PATJ: variants seen among roughly 807,000 people sequenced by gnomAD.
PATJ encodes PATJ crumbs cell polarity complex component.
A neutral mutation model predicts 224.9 loss-of-function variants in PATJ; 190 were observed. The observed-to-expected ratio is 0.84, with a 90% CI of 0.75 to 0.95. PATJ has a LOEUF of 0.95. Among genes scored for constraint, PATJ ranks in the 40% least tolerant of loss-of-function variants. The probability of loss-of-function intolerance (pLI) is 0.00; values close to 1 mark genes in which losing one functional copy is unlikely to be tolerated. For missense variants in PATJ, 2,121 were observed against 2,270.3 expected (o/e 0.93, Z 1.34); for synonymous variants, 769 against 820.3 (o/e 0.94, Z 1.07).
intron 28 of PATJ, among the ~76,000 whole-genome samples, chr1:61,996,355 C>A (rs1469545727): frequency 1.3e-5 from 2 of 152,188 alleles, no homozygotes; most frequent in African/African-American, 4.8e-5. Flanking sequence ...ACCACTGTCT[C>A]AGCAGTTTAT....
intron 27 of PATJ, among the ~76,000 whole-genome samples, chr1:61,984,458 G>A (rs1205722646): frequency 2.0e-5 from 3 of 151,926 alleles, no homozygotes; most frequent in South Asian, 2.1e-4. Flanking sequence ...CCCTGTGCTC[G>A]GCCTTAAGTA....
intron 27 of PATJ, among the ~76,000 whole-genome samples, chr1:61,983,219 A>G (rs1644545313): frequency 6.6e-6 from 1 of 152,092 alleles, no homozygotes; most frequent in Non-Finnish European, 1.5e-5. Context: ...GAGTCTAAAT[A>G]AAAGTCATAG....
chr1:62,092,053 A>G (rs962699960), intron 33 of PATJ, among the ~76,000 whole-genome samples: 5 of 144,888 alleles, frequency 3.5e-5, no homozygotes, highest in Non-Finnish European at 6.1e-5. Flanking sequence ...CCCTGTCTCA[A>G]AAAAAAAAAA....
intron 13 of PATJ, among the ~76,000 whole-genome samples, chr1:61,806,459 A>C (rs1174251264): frequency 6.6e-6 from 1 of 151,780 alleles, no homozygotes; most frequent in Non-Finnish European, 1.5e-5. Flanking sequence ...CTCTACTAAA[A>C]ATACAAAAAA....
At chr1:61,820,953 T>C (rs1027434786) in intron 14 of PATJ, among the ~76,000 whole-genome samples, 4 of 151,166 alleles carry the variant, frequency 2.6e-5, no homozygotes, top group Admixed American at 6.7e-5. Flanking sequence ...TAGCTATCCA[T>C]ACCCATGATT....
intron 24 of PATJ, among the ~76,000 whole-genome samples, chr1:61,905,101 T>C (rs541030813): frequency 2.0e-5 from 3 of 152,316 alleles, no homozygotes; most frequent in African/African-American, 7.2e-5. Context: ...TCAGGTGTCT[T>C]TGGAAATTCA....
At chr1:62,117,647 C>T (rs1473086626) in intron 37 of PATJ, among the ~76,000 whole-genome samples, 1 of 152,122 alleles carries the variant, frequency 6.6e-6, no homozygotes, top group African/African-American at 2.4e-5. Context: ...TGGCATATTC[C>T]TAGGAGAACC....
intron 20 of PATJ, among the ~76,000 whole-genome samples, chr1:61,874,118 C>G (rs1667031933): frequency 6.6e-6 from 1 of 152,112 alleles, no homozygotes; most frequent in Non-Finnish European, 1.5e-5. Context: ...TAAATGTCAT[C>G]CTTTAGCTGT....
intron 29 of PATJ, among the ~76,000 whole-genome samples, chr1:62,035,820 G>A (rs1344583505): frequency 6.6e-6 from 1 of 152,038 alleles, no homozygotes; most frequent in Non-Finnish European, 1.5e-5. Flanking sequence ...AGCAATCATT[G>A]TCTAGGGTGC....
At position 62,077,304 on chromosome 1, in the gene PATJ, TAAC is replaced by T; in HGVS notation, c.4126-2145_4126-2143del. Among the ~76,000 whole-genome samples the T allele has an allele frequency of 2.0e-5, 3 of 152,338 alleles. 1 individual carries two copies. In the South Asian group the frequency reaches 6.2e-4, roughly 32 times the overall value. Reference sequence around the variant, plus strand: ...TCCTCTCAATGTTGTTTTCTTATAGTAACCCCTTATTTGTCCTTTTCTACTTTC... The same window carrying T: ...TCCTCTCAATGTTGTTTTCTTATAGTCCCTTATTTGTCCTTTTCTACTTTC... On this transcript the variant is annotated intron_variant, in intron 31 of 43. Coordinates refer to ENST00000642238, the MANE Select transcript of PATJ (RefSeq NM_001350145.3).
At chr1:62,142,166 T>A (rs887941491) in intron 41 of PATJ, among the ~76,000 whole-genome samples, 2 of 152,096 alleles carry the variant, frequency 1.3e-5, no homozygotes, top group Admixed American at 1.3e-4. Flanking sequence ...CTCAGCCCCA[T>A]AAGGACAGTC....
intron 24 of PATJ, among the ~76,000 whole-genome samples, chr1:61,907,403 C>T (rs1369176277): frequency 6.6e-6 from 1 of 152,200 alleles, no homozygotes; most frequent in Non-Finnish European, 1.5e-5. Flanking sequence ...GCCTCTGTAA[C>T]AGCAAAGGAA....
chr1:61,922,799 G>C (rs1027776937), intron 26 of PATJ, among the ~76,000 whole-genome samples: 23 of 152,138 alleles, frequency 1.5e-4, no homozygotes, highest in African/African-American at 5.3e-4. Context: ...AGTGTTTATT[G>C]GTTACCTATA....
chr1:62,148,807 G>T (rs1028098136), intron 42 of PATJ, among the ~76,000 whole-genome samples: 30 of 152,038 alleles, frequency 2.0e-4, no homozygotes, highest in African/African-American at 7.0e-4. Flanking sequence ...ATTAAAGCAG[G>T]GTTTCTCAAA....
intron 21 of PATJ, among the ~76,000 whole-genome samples, chr1:61,877,094 T>G (rs1421991034): frequency 1.3e-5 from 2 of 152,186 alleles, no homozygotes. Flanking sequence ...CAAGACTCAG[T>G]GCACATGCTT....
rs972126462 is a variant in PATJ, at chr1:62,063,162, A to T, written c.4125+12104A>T. On this transcript the variant is annotated intron_variant, in intron 31 of 43. Transcript: ENST00000642238. ...TAGGTCTTAATTAAGTCTTCAATCC[A>T]TCTTGAGTTAACTTTTATGTATGGT... Among the ~76,000 whole-genome samples, 3 of 152,174 alleles carry T rather than the reference A, an allele frequency of 2.0e-5. No individual in the cohort carries two copies. In the South Asian group the frequency reaches 6.2e-4, roughly 31 times the overall value.
intron 17 of PATJ, among the ~76,000 whole-genome samples, chr1:61,836,330 T>A (rs1407669825): frequency 2.6e-5 from 4 of 152,240 alleles, no homozygotes; most frequent in Non-Finnish European, 1.5e-5. Context: ...CATACTGACA[T>A]TTGTTTCTGT....
intron 22 of PATJ, among the ~76,000 whole-genome samples, chr1:61,890,888 C>T (rs931227596): frequency 2.0e-5 from 3 of 152,078 alleles, no homozygotes. Flanking sequence ...ATTTAACAGG[C>T]TTAATATAAC....
intron 30 of PATJ, among the ~76,000 whole-genome samples, chr1:62,049,244 C>CACACACACAT (rs1653131871): frequency 5.8e-5 from 1 of 17,294 alleles, no homozygotes; most frequent in African/African-American, 3.2e-4. Context: ...AGTAAGCAAT[C>CACACACACAT]ACACACACAC....
Sources: allele counts gnomAD v4.1 joint callset (sites outside exome capture counted in the v4.1 genomes callset), GRCh38; gene constraint gnomAD v4.1.1; transcripts MANE v1.5; gene names NCBI Gene and HGNC (gene_info 2026-07-23, HGNC 2026-07-21).